The following UVRAG variants were observed in gnomAD, a reference collection of about 807,000 sequenced individuals.
UVRAG encodes UV radiation resistance-associated gene protein.
In UVRAG, 19 loss-of-function variants were observed where a neutral mutation model predicts 78.0. That is an observed-to-expected ratio of 0.24 (90% CI 0.17 to 0.36). The LOEUF (loss-of-function observed/expected upper bound fraction) is 0.36, where lower values mean the gene tolerates loss of function less well. Ranked by LOEUF, UVRAG falls within the 10% of genes least tolerant of loss-of-function variation. The probability of loss-of-function intolerance (pLI) is 1.00; values close to 1 mark genes in which losing one functional copy is unlikely to be tolerated. For synonymous variants in UVRAG, 323 were observed against 324.6 expected (o/e 1.00, Z 0.05); for missense variants, 740 against 853.8 (o/e 0.87, Z 1.66).
intron 6 of UVRAG, among the ~76,000 whole-genome samples, chr11:75,915,529 A>G (rs537693948): frequency 1.1e-4 from 16 of 152,328 alleles, no homozygotes; most frequent in African/African-American, 3.8e-4. Flanking sequence ...TGTATTTCAT[A>G]TTTTAGGGTG....
At position 76,141,676 on chromosome 11, in the gene UVRAG, C is replaced by T. The variant is rs1952726500; in HGVS notation, c.*263C>T. On this transcript the variant is annotated 3_prime_UTR_variant, in exon 15 of 15. Coordinates refer to ENST00000356136, the MANE Select transcript of UVRAG (RefSeq NM_003369.4). ...CCTCTAGTTGAAAGAGCTTACAGCTCGAGTCACCTTTTAGCTATTTGTCTG... is the reference window on the plus strand; with the variant it reads ...CCTCTAGTTGAAAGAGCTTACAGCTTGAGTCACCTTTTAGCTATTTGTCTG... The T allele has an allele frequency of 2.1e-6, 1 of 472,308 alleles. No homozygotes were observed. The allele number at this position is 472,308 out of a possible 1,614,324, so 29.3% of individuals were successfully genotyped here.
At chr11:75,844,419 G>A (rs1036240591) in intron 1 of UVRAG, among the ~76,000 whole-genome samples, 1 of 151,742 alleles carries the variant, frequency 6.6e-6, no homozygotes, top group Non-Finnish European at 1.5e-5. Context: ...GTAGAGATGG[G>A]GTTTCACTGT....
intron 11 of UVRAG, among the ~76,000 whole-genome samples, chr11:76,014,962 A>G (rs1950120299): frequency 6.6e-6 from 1 of 152,220 alleles, no homozygotes; most frequent in South Asian, 2.1e-4. Context: ...AAAAATAATT[A>G]GGATTCTAGT....
At position 76,006,037 on chromosome 11, in the gene UVRAG, C is replaced by T. The variant is rs957104394; in HGVS notation, c.912-1497C>T. ...TTGGTGGGTGGGGAAGAAAGTCCAACCTTCTAATCTCTTGGTTTTTCTAGT... is the reference window on the plus strand; with the variant it reads ...TTGGTGGGTGGGGAAGAAAGTCCAATCTTCTAATCTCTTGGTTTTTCTAGT... On this transcript the variant is annotated intron_variant, in intron 9 of 14. Transcript: ENST00000356136. Among the ~76,000 whole-genome samples, 4 of 152,218 alleles carry T rather than the reference C, an allele frequency of 2.6e-5. No homozygotes were observed. The East Asian group carries it at 5.8e-4, about 22-fold the overall frequency.
intron 9 of UVRAG, among the ~76,000 whole-genome samples, chr11:76,006,319 A>G (rs1949936875): frequency 6.6e-6 from 1 of 152,112 alleles, no homozygotes; most frequent in Non-Finnish European, 1.5e-5. Context: ...CAGGCAACTT[A>G]CTTTACAGGT....
intron 14 of UVRAG, among the ~76,000 whole-genome samples, chr11:76,122,565 A>C (rs1952304048): frequency 6.6e-6 from 1 of 152,174 alleles, no homozygotes. Context: ...GAGTAAATGA[A>C]TCGTAGTTAC....
At chr11:75,928,939 C>CAAAAAAAAAAAAAAAAA (rs368913080) in intron 6 of UVRAG, among the ~76,000 whole-genome samples, 11 of 67,488 alleles carry the variant, frequency 1.6e-4, no homozygotes, top group African/African-American at 8.6e-4. Flanking sequence ...GAGACTGTCT[C>CAAAAAAAAAAAAAAAAA]AAAAAAAAAA....
intron 6 of UVRAG, among the ~76,000 whole-genome samples, chr11:75,950,891 T>C (rs932083818): frequency 3.9e-5 from 6 of 152,066 alleles, no homozygotes; most frequent in Non-Finnish European, 7.4e-5. Flanking sequence ...TTCTCAATTA[T>C]TGGGTTGTTT....
intron 6 of UVRAG, among the ~76,000 whole-genome samples, chr11:75,927,930 A>C (rs758013025): frequency 6.6e-6 from 1 of 152,096 alleles, no homozygotes; most frequent in Non-Finnish European, 1.5e-5. Flanking sequence ...TCTGATTTCT[A>C]GTTTTTAAAA....
At chr11:76,037,853 T>C (rs1950566705) in intron 12 of UVRAG, among the ~76,000 whole-genome samples, 1 of 152,214 alleles carries the variant, frequency 6.6e-6, no homozygotes, top group Non-Finnish European at 1.5e-5. Context: ...TACATGTCCG[T>C]ATAAATGTCT....
At chr11:75,872,225 G>A (rs887437507) in intron 3 of UVRAG, among the ~76,000 whole-genome samples, 23 of 152,052 alleles carry the variant, frequency 1.5e-4, no homozygotes, top group African/African-American at 5.3e-4. Context: ...AATAGGGGAA[G>A]ATTATTCAAC....
chr11:76,032,368 A>G (rs767170369), intron 12 of UVRAG, among the ~76,000 whole-genome samples: 2 of 152,240 alleles, frequency 1.3e-5, no homozygotes, highest in Non-Finnish European at 2.9e-5. Flanking sequence ...TCTGAATCAG[A>G]TTAAATGATC....
chr11:76,100,343 A>G (rs537715407), intron 13 of UVRAG, among the ~76,000 whole-genome samples: 23 of 152,224 alleles, frequency 1.5e-4, no homozygotes, highest in Non-Finnish European at 1.0e-4. Context: ...CCTCTATACT[A>G]TTGTTAAGGA....
intron 2 of UVRAG, among the ~76,000 whole-genome samples, chr11:75,861,050 C>G (rs1031385893): frequency 5.3e-5 from 8 of 152,260 alleles, no homozygotes; most frequent in African/African-American, 1.4e-4. Context: ...GGAAGGTTTT[C>G]AGGAGTGTCT....
At chr11:75,867,899 C>G (rs1387947164) in intron 3 of UVRAG, among the ~76,000 whole-genome samples, 1 of 152,108 alleles carries the variant, frequency 6.6e-6, no homozygotes, top group African/African-American at 2.4e-5. Flanking sequence ...TAACATTGTG[C>G]CTAACTTAAT....
chr11:75,888,634 C>T (rs528541897), intron 4 of UVRAG, among the ~76,000 whole-genome samples, 195 bp from the exon 5 acceptor site: 2 of 152,168 alleles, frequency 1.3e-5, no homozygotes, highest in Admixed American at 6.5e-5. Flanking sequence ...TTTGCAAGGC[C>T]TTTGACTAAA....
At chr11:75,945,190 C>T (rs762138911) in intron 6 of UVRAG, among the ~76,000 whole-genome samples, 4 of 151,868 alleles carry the variant, frequency 2.6e-5, no homozygotes, top group Non-Finnish European at 4.4e-5. Flanking sequence ...ATTTTTAATT[C>T]CGTGGGTGTC....
At chr11:76,135,215 C>T (rs901886449) in intron 14 of UVRAG, among the ~76,000 whole-genome samples, 2 of 152,176 alleles carry the variant, frequency 1.3e-5, no homozygotes, top group African/African-American at 4.8e-5. Flanking sequence ...TAAGTTGTAA[C>T]TCCATATAGG....
intron 6 of UVRAG, among the ~76,000 whole-genome samples, chr11:75,951,282 TA>T (rs1948692236): frequency 6.6e-6 from 1 of 152,024 alleles, no homozygotes; most frequent in Admixed American, 6.6e-5. Context: ...TTTTCCTTAT[TA>T]AAAAATTGAG....
Sources: allele counts gnomAD v4.1 joint callset (sites outside exome capture counted in the v4.1 genomes callset), GRCh38; gene constraint gnomAD v4.1.1; transcripts MANE v1.5; gene names NCBI Gene and HGNC (gene_info 2026-07-23, HGNC 2026-07-21).